RANBP2: variants seen among roughly 807,000 people sequenced by gnomAD.
RANBP2 encodes the protein RAN binding protein 2.
A neutral mutation model predicts 303.6 loss-of-function variants in RANBP2; 57 were observed. That is an observed-to-expected ratio of 0.19 (90% CI 0.15 to 0.23). RANBP2 has a LOEUF of 0.23. Among genes scored for constraint, RANBP2 ranks in the 10% least tolerant of loss-of-function variants. The pLI is 1.00. For missense variants in RANBP2, 3,138 were observed against 3,780.8 expected (o/e 0.83, Z 4.46); for synonymous variants, 1,167 against 1,301.5 (o/e 0.90, Z 2.23).
At chr2:109,422,445 C>T in the RANBP2 span, among the ~76,000 whole-genome samples, 1 of 152,168 alleles carries the variant, frequency 6.6e-6, no homozygotes, top group Non-Finnish European at 1.5e-5. Flanking sequence ...ATGTTCTTGC[C>T]CCTTCTTCCA....
chr2:108,929,311 T>A, the RANBP2 span: 2 of 1,614,146 alleles, frequency 1.2e-6, no homozygotes, highest in Non-Finnish European at 1.7e-6. Flanking sequence ...GGTAGCCTCC[T>A]TTGGAAAACT....
At chr2:109,437,318 A>G in the RANBP2 span, among the ~76,000 whole-genome samples, 5 of 152,036 alleles carry the variant, frequency 3.3e-5, no homozygotes, top group Non-Finnish European at 2.9e-5. Flanking sequence ...ATGTTGTGAG[A>G]TGAAAAGAAA....
At chr2:109,252,666 A>G in the RANBP2 span, among the ~76,000 whole-genome samples, 31 of 152,364 alleles carry the variant, frequency 2.0e-4, no homozygotes, top group African/African-American at 7.5e-4. Flanking sequence ...CCAAACCTAC[A>G]GAACCTCATA....
At chr2:109,614,214 C>T in the RANBP2 span, 1 of 1,024,144 alleles carries the variant, frequency 9.8e-7, no homozygotes, top group East Asian at 3.9e-5. Context: ...GTGGGCGGGC[C>T]TTGAGGCGAG....
chr2:108,775,237 A>G (rs942786247), intron 23 of RANBP2, among the ~76,000 whole-genome samples: 3 of 152,112 alleles, frequency 2.0e-5, no homozygotes, highest in Admixed American at 2.0e-4. Flanking sequence ...CCTTCTGTAT[A>G]TCATTCTCTT....
At chr2:109,615,614 G>GA in the RANBP2 span, 1 of 1,613,576 alleles carries the variant, frequency 6.2e-7, no homozygotes, top group Non-Finnish European at 8.5e-7. Context: ...ACTACAGTGG[G>GA]AAAAAGGCCT....
At chr2:109,442,935 A>C in the RANBP2 span, among the ~76,000 whole-genome samples, 53 of 152,286 alleles carry the variant, frequency 3.5e-4, no homozygotes, top group South Asian at 5.2e-3. Context: ...AAAAACAAAC[A>C]AAAAACCAAC....
At chr2:109,489,777 AC>A in the RANBP2 span, among the ~76,000 whole-genome samples, 1 of 151,854 alleles carries the variant, frequency 6.6e-6, no homozygotes, top group African/African-American at 2.4e-5. Flanking sequence ...TCGCTCTGTC[AC>A]CCAGGCTGGA....
the RANBP2 span, among the ~76,000 whole-genome samples, chr2:108,815,461 G>GGTTT: frequency 1.4e-5 from 1 of 70,700 alleles, no homozygotes; most frequent in Admixed American, 2.1e-4. Context: ...GGTTTTTGGT[G>GGTTT]TTTTTTTTTT....
the RANBP2 span, among the ~76,000 whole-genome samples, chr2:109,004,695 A>C: frequency 6.6e-6 from 1 of 151,926 alleles, no homozygotes; most frequent in Non-Finnish European, 1.5e-5. Context: ...TCTAGCTCTT[A>C]CCTCCTGGAA....
At chr2:109,202,953 A>G in the RANBP2 span, among the ~76,000 whole-genome samples, 1 of 152,282 alleles carries the variant, frequency 6.6e-6, no homozygotes, top group South Asian at 2.1e-4. Context: ...ACACAATGGG[A>G]GCTGGTCTTG....
the RANBP2 span, among the ~76,000 whole-genome samples, chr2:109,646,062 T>C: frequency 6.6e-6 from 1 of 152,230 alleles, no homozygotes; most frequent in Non-Finnish European, 1.5e-5. Context: ...GCCGGAATGC[T>C]GTCCCCAACC....
the RANBP2 span, among the ~76,000 whole-genome samples, chr2:108,814,907 A>T: frequency 1.3e-5 from 2 of 152,046 alleles, no homozygotes; most frequent in Admixed American, 1.3e-4. Flanking sequence ...AAGTGCTGGG[A>T]TTATAGGCAT....
At chr2:108,778,697 C>T (rs1678042498) in intron 25 of RANBP2, among the ~76,000 whole-genome samples, 1 of 151,936 alleles carries the variant, frequency 6.6e-6, no homozygotes, top group Non-Finnish European at 1.5e-5. Context: ...TAAATTTTTG[C>T]TTTTGGCAAA....
the RANBP2 span, among the ~76,000 whole-genome samples, chr2:109,549,148 C>T: frequency 1.1e-4 from 17 of 152,110 alleles, no homozygotes; most frequent in Non-Finnish European, 1.8e-4. Flanking sequence ...TCATTCAAAT[C>T]GGTGGCACAA....
chr2:108,775,762 A>G lies in RANBP2; in HGVS notation c.8323A>G (p.Thr2775Ala), dbSNP rs544406595. 24 of 1,613,862 alleles carry G rather than the reference A, an allele frequency of 1.5e-5. No individual in the cohort carries two copies. The South Asian group carries it at 2.6e-4, about 18-fold the overall frequency. Residue 2775 changes from threonine to alanine, a missense_variant, in exon 24 of 29, where the codon ACT (threonine) becomes GCT (alanine). Physicochemically the swap from Thr to Ala is moderately conservative, Grantham distance 58. Coordinates refer to ENST00000283195, the MANE Select transcript of RANBP2 (RefSeq NM_006267.5). The part of the protein sequence containing the change: ...KSQTEEITST[T>A]DSVYTGGTEV... ...TCAGACAGAAGAAATAACTAGCACAACTGACAGTGTATATACAGGTGGGAC... is the reference window on the plus strand; with the variant it reads ...TCAGACAGAAGAAATAACTAGCACAGCTGACAGTGTATATACAGGTGGGAC...
At chr2:108,825,443 C>T in the RANBP2 span, among the ~76,000 whole-genome samples, 1 of 152,024 alleles carries the variant, frequency 6.6e-6, no homozygotes, top group Non-Finnish European at 1.5e-5. Flanking sequence ...AAAAAAAACC[C>T]AACCCATTAG....
At chr2:109,241,144 C>CA in the RANBP2 span, among the ~76,000 whole-genome samples, 1 of 152,090 alleles carries the variant, frequency 6.6e-6, no homozygotes, top group African/African-American at 2.4e-5. Context: ...AGTCGACAGT[C>CA]AATGATGACA....
chr2:109,349,715 G>A, the RANBP2 span, among the ~76,000 whole-genome samples: 2 of 152,258 alleles, frequency 1.3e-5, no homozygotes, highest in Non-Finnish European at 2.9e-5. Context: ...CCACTCGGGA[G>A]AACCCACTGT....
Sources: gnomAD v4.1 joint callset for allele counts (sites outside exome capture counted in the v4.1 genomes callset) on GRCh38, gnomAD v4.1.1 for gene constraint, MANE v1.5 for transcripts, NCBI Gene and HGNC (gene_info 2026-07-23, HGNC 2026-07-21) for gene names.